Variants in SPAG1 observed in about 807,000 individuals in gnomAD.
SPAG1 encodes the protein sperm-associated antigen 1.
A neutral mutation model predicts 100.5 loss-of-function variants in SPAG1; 69 were observed. The ratio of observed to expected loss-of-function variants is 0.69; its 90% CI spans 0.57 to 0.84. SPAG1 has a LOEUF of 0.84. Among genes scored for constraint, SPAG1 ranks in the 40% least tolerant of loss-of-function variants. The probability of loss-of-function intolerance (pLI) is 0.00; values close to 1 mark genes in which losing one functional copy is unlikely to be tolerated. For synonymous variants in SPAG1, 336 were observed against 411.6 expected (o/e 0.82, Z 2.22); for missense variants, 955 against 1,133.1 (o/e 0.84, Z 2.26).
intron 15 of SPAG1, chr8:100,233,206 C>A: frequency 4.0e-6 from 2 of 506,160 alleles, no homozygotes; most frequent in Non-Finnish European, 3.6e-6. Flanking sequence ...CACTTGATTG[C>A]ATCCTCCTTG....
At chr8:100,182,840 G>A (rs187451739) in intron 4 of SPAG1, among the ~76,000 whole-genome samples, 2 of 151,792 alleles carry the variant, frequency 1.3e-5, no homozygotes, top group African/African-American at 4.8e-5. Flanking sequence ...CCTATAGATT[G>A]TCCCCAGAAT....
intron 8 of SPAG1, among the ~76,000 whole-genome samples, chr8:100,189,713 C>G (rs1171703887): frequency 6.6e-6 from 1 of 152,114 alleles, no homozygotes; most frequent in East Asian, 1.9e-4. Flanking sequence ...TTAAGGGACA[C>G]AGGAACTCAT....
At chr8:100,224,455 C>T (rs1182175583) in intron 13 of SPAG1, among the ~76,000 whole-genome samples, 22 of 152,042 alleles carry the variant, frequency 1.4e-4, no homozygotes, top group African/African-American at 4.1e-4. Context: ...GGTAGGAGAA[C>T]TGCCTGAACC....
At chr8:100,220,201 G>A in intron 12 of SPAG1, 78 bp from the exon 13 acceptor site, 2 of 815,450 alleles carry the variant, frequency 2.5e-6, no homozygotes, top group Non-Finnish European at 3.6e-6. Context: ...GTTCAGTACT[G>A]CAGTATCTAT....
intron 3 of SPAG1, among the ~76,000 whole-genome samples, chr8:100,170,916 C>T (rs896059609): frequency 2.0e-5 from 3 of 151,884 alleles, no homozygotes; most frequent in Admixed American, 6.6e-5. Flanking sequence ...AGCAGATCCT[C>T]GCCTATTTCC....
rs758513200 is a variant in SPAG1, at chr8:100,239,360, C to A, written c.2236C>A (p.Pro746Thr). 2.5e-6 allele frequency: 4 copies of A among 1,605,398 alleles called. No individual in the cohort carries two copies. Among genetic ancestry groups the A allele is most frequent in the Non-Finnish European group, 1.7e-6 (2 of 1,172,894 alleles). ...CCTTAATCTTAAGGATAAGACAGCACCATTCAACAAAGAAAAGGAGAGAAG... is the reference window on the plus strand; with the variant it reads ...CCTTAATCTTAAGGATAAGACAGCAACATTCAACAAAGAAAAGGAGAGAAG... Reference protein sequence around the residue: ...RLLNLKDKTAPFNKEKERRKI... With the variant: ...RLLNLKDKTATFNKEKERRKI... The change falls in exon 17 of 19, where the codon CCA (proline) becomes ACA (threonine). Residue 746 changes from proline (P) to threonine (T), a missense_variant. Pro to Thr is a conservative substitution (Grantham distance 38). Coordinates refer to ENST00000388798, the MANE Select transcript of SPAG1 (RefSeq NM_003114.5). This position sits in a 1 kb window ranked among gnomAD's most constrained non-coding sequence, Gnocchi z 5.0.
Position 100,230,070 on chromosome 8 carries a change from T to A in SPAG1, c.1856-1086T>A, listed in dbSNP as rs144998175. Among the ~76,000 whole-genome samples, 259 of 152,326 alleles carry A rather than the reference T, an allele frequency of 1.7e-3. 1 individual carries two copies. The highest frequency in any genetic ancestry group is 6.1e-3 in the African/African-American group (253 of 41,576). ...CATTTTATCAGCTCTTATAGACTCA[T>A]CCCTGAACAATTGGATTACTATGGC... On this transcript the variant is annotated intron_variant, in intron 14 of 18. Transcript: ENST00000388798.
intron 4 of SPAG1, among the ~76,000 whole-genome samples, chr8:100,178,424 TTC>T (rs1816225450): frequency 6.6e-6 from 1 of 152,132 alleles, no homozygotes; most frequent in Non-Finnish European, 1.5e-5. Flanking sequence ...TTATTCCCAT[TTC>T]TCTGTCGTTG....
At chr8:100,237,466 C>A (rs1351442666) in intron 16 of SPAG1, among the ~76,000 whole-genome samples, 1 of 152,182 alleles carries the variant, frequency 6.6e-6, no homozygotes, top group Non-Finnish European at 1.5e-5. Context: ...TTGTTAGTAT[C>A]CATCTCAACC....
At chr8:100,191,066 A>C (rs1424082518) in intron 8 of SPAG1, among the ~76,000 whole-genome samples, 1 of 152,186 alleles carries the variant, frequency 6.6e-6, no homozygotes, top group African/African-American at 2.4e-5. Context: ...TATCAGTGAA[A>C]ATCATTCCGA....
chr8:100,199,670 C>A (rs191832932), intron 10 of SPAG1, among the ~76,000 whole-genome samples: 1 of 152,170 alleles, frequency 6.6e-6, no homozygotes, highest in Non-Finnish European at 1.5e-5. Context: ...TGGTCTTGAA[C>A]CCCTGACCTC....
intron 10 of SPAG1, among the ~76,000 whole-genome samples, chr8:100,208,091 C>G (rs184301849): frequency 3.3e-5 from 5 of 152,324 alleles, no homozygotes; most frequent in Admixed American, 3.3e-4. Context: ...ATTATTGCTT[C>G]CTGTTCTTGT....
Position 100,239,387 on chromosome 8 carries a change from A to G in SPAG1, c.2263A>G (p.Lys755Glu). The change falls in exon 17 of 19, where the codon AAA (lysine) becomes GAA (glutamate). Residue 755 changes from lysine (K) to glutamate (E), a missense_variant. By Grantham distance (56) the Lys-to-Glu change is moderately conservative. Transcript: ENST00000388798. The surrounding 1 kb of genome is among the most constrained non-coding windows in gnomAD (Gnocchi z 5.0). The part of the protein sequence containing the change: ...APFNKEKERR[K>E]IEIQEVNEGK... ...ATTCAACAAAGAAAAGGAGAGAAGG[A>G]AAATTGAGATTCAAGAGGTATTTGT... 6.2e-7 allele frequency: 1 copy of G among 1,604,142 alleles called. No individual in the cohort carries two copies. Among genetic ancestry groups the G allele is most frequent in the Non-Finnish European group, 8.5e-7 (1 of 1,171,046 alleles).
chr8:100,213,165 G>C lies in SPAG1; in HGVS notation c.1172G>C (p.Gly391Ala). Residue 391 changes from glycine to alanine, a missense_variant, in exon 11 of 19, where the codon GGC becomes GCC. Coordinates refer to ENST00000388798, the MANE Select transcript of SPAG1 (RefSeq NM_003114.5). ...GGCAACATCCAGAAGAAGCTGACTG[G>C]CAAAGCCGAAGGCGGCAAGCGGCCG... The part of the protein sequence containing the change: ...VMGNIQKKLT[G>A]KAEGGKRPAR... 6.8e-7 allele frequency: 1 copy of C among 1,476,362 alleles called. No homozygotes were observed. Among genetic ancestry groups the C allele is most frequent in the South Asian group, 1.3e-5 (1 of 78,916 alleles). 91.5% of individuals were successfully genotyped at this position (1,476,362 alleles called of 1,614,324 possible).
rs1157476247 is a variant in SPAG1 at position 100,186,425 on chromosome 8, T to C, written c.702-695T>C. On this transcript the variant is annotated intron_variant, in intron 7 of 18. Transcript: ENST00000388798. The stretch of plus-strand genomic sequence containing the variant: ...GATGTTAACTTACATCAACGGTTTT[T>C]TTTAAAGTGATCTATAGGTATTTAT... Among the ~76,000 whole-genome samples, 4 of 152,302 alleles carry C rather than the reference T, an allele frequency of 2.6e-5. No homozygotes were observed. In the East Asian group the frequency reaches 5.8e-4, roughly 22 times the overall value.
At chr8:100,195,152 G>A (rs1816978755) in intron 10 of SPAG1, among the ~76,000 whole-genome samples, 4 of 141,316 alleles carry the variant, frequency 2.8e-5, no homozygotes, top group South Asian at 2.2e-4. Context: ...GCAATAGAGC[G>A]AGACTCCATC....
At chr8:100,163,451 C>G (rs540011448) in intron 2 of SPAG1, among the ~76,000 whole-genome samples, 31 of 150,676 alleles carry the variant, frequency 2.1e-4, no homozygotes, top group Non-Finnish European at 3.4e-4. Context: ...GTTGTCCAGA[C>G]TGATGTCAAA....
chr8:100,202,709 C>CAAAAAAAAAA (rs750153561), intron 10 of SPAG1, among the ~76,000 whole-genome samples: 1 of 27,450 alleles, frequency 3.6e-5, no homozygotes, highest in Non-Finnish European at 6.2e-5. Context: ...GACTCCGTCT[C>CAAAAAAAAAA]AAAAAAAAAA....
At chr8:100,232,397 C>A (rs1026617728) in intron 15 of SPAG1, among the ~76,000 whole-genome samples, 3 of 152,114 alleles carry the variant, frequency 2.0e-5, no homozygotes, top group African/African-American at 7.2e-5. Flanking sequence ...ATCCTCTCCC[C>A]AGGTCCACTC....
Sources: gnomAD v4.1 joint callset for allele counts (sites outside exome capture counted in the v4.1 genomes callset) on GRCh38, gnomAD v4.1.1 for gene constraint, Gnocchi (gnomAD v3.1) non-coding constraint, MANE v1.5 for transcripts, NCBI Gene and HGNC (gene_info 2026-07-23, HGNC 2026-07-21) for gene names.